The following XAF1 variants were observed in gnomAD, a reference collection of about 807,000 sequenced individuals.
XAF1 encodes XIAP-associated factor 1.
In XAF1, 32 loss-of-function variants were observed where a neutral mutation model predicts 32.3. The ratio of observed to expected loss-of-function variants is 0.99; its 90% CI spans 0.75 to 1.33. The LOEUF (loss-of-function observed/expected upper bound fraction) is 1.33, where lower values mean the gene tolerates loss of function less well. Ranked by LOEUF, XAF1 falls within the 40% of genes most tolerant of loss-of-function variation. The pLI is 0.00. For missense variants in XAF1, 379 were observed against 366.0 expected (o/e 1.04, Z -0.29); for synonymous variants, 120 against 125.9 (o/e 0.95, Z 0.31).
Position 6,775,515 on chromosome 17 carries a change from G to C in XAF1, c.*2346G>C, listed in dbSNP as rs1976360417. 1 of 152,198 alleles carries C rather than the reference G, an allele frequency of 6.6e-6. No individual in the cohort carries two copies. Among genetic ancestry groups the C allele is most frequent in the East Asian group, 1.9e-4 (1 of 5,206 alleles). 9.4% of individuals were successfully genotyped at this position (152,198 alleles called of 1,614,324 possible). Reference sequence around the variant, plus strand: ...CCAAGGACTACAAATAAACCAACGGGAAAAAAGAAAGGTTCCAGTTTTGTC... The same window carrying C: ...CCAAGGACTACAAATAAACCAACGGCAAAAAAGAAAGGTTCCAGTTTTGTC... On this transcript the variant is annotated 3_prime_UTR_variant, in exon 7 of 7. Coordinates refer to ENST00000361842, the MANE Select transcript of XAF1 (RefSeq NM_017523.5).
At chr17:6,772,953 T>C in intron 6 of XAF1, 160 bp from the exon 7 acceptor site, 1 of 598,136 alleles carries the variant, frequency 1.7e-6, no homozygotes, top group Non-Finnish European at 2.8e-6. Context: ...CCTCCTATAC[T>C]TCTGGCTCAG....
intron 2 of XAF1, 162 bp downstream of exon 2, chr17:6,758,386 G>T: frequency 9.4e-7 from 1 of 1,068,442 alleles, no homozygotes; most frequent in East Asian, 2.6e-5. Context: ...CTCTCTGCAG[G>T]AGAGATGGGG....
At chr17:6,758,306 G>C (rs1974863477) in intron 2 of XAF1, 82 bp downstream of exon 2, 1 of 1,566,890 alleles carries the variant, frequency 6.4e-7, no homozygotes, top group Non-Finnish European at 8.7e-7. Context: ...GGGTCTGAGA[G>C]TTGGGGGACG....
At position 6,759,722 on chromosome 17, in the gene XAF1, A is replaced by G. The variant is rs1193018422; in HGVS notation, c.225+4A>G. On this transcript the variant is annotated splice_donor_region_variant and intron_variant, in intron 3 of 6. Transcript: ENST00000361842. ...GTCCTCGCTGGAGTTTCATAAGGTA[A>G]GAGCCCCATGTGATTTCTCCTTTAC... The G allele has an allele frequency of 6.2e-7, 1 of 1,614,050 alleles. No homozygotes were observed. Among genetic ancestry groups the G allele is most frequent in the South Asian group, 1.1e-5 (1 of 91,080 alleles).
At chr17:6,772,612 A>G (rs911127382) in intron 6 of XAF1, among the ~76,000 whole-genome samples, 4 of 151,740 alleles carry the variant, frequency 2.6e-5, no homozygotes, top group African/African-American at 9.7e-5. Context: ...CTGGGAGTAC[A>G]GGCACCCGCC....
rs773395830 is a variant in XAF1 at position 6,770,711 on chromosome 17, A to G, written c.576A>G (p.Ser192=). The change falls in exon 6 of 7, where the codon TCA becomes TCG. Residue 192 remains serine (S), a synonymous_variant. Transcript: ENST00000361842. ...TTGGAAATCCAGAAATTCTTCCTTCATCTCTTCCAAGTCAAGCTGCTGAAA... is the reference window on the plus strand; with the variant it reads ...TTGGAAATCCAGAAATTCTTCCTTCGTCTCTTCCAAGTCAAGCTGCTGAAA... ...FPVGNPEILP[S]SLPSQAAENQ... The G allele has an allele frequency of 3.7e-6, 6 of 1,612,676 alleles. No homozygotes were observed. The highest frequency in any genetic ancestry group is 5.1e-6 in the Non-Finnish European group (6 of 1,179,712).
At chr17:6,766,184 G>A (rs909405743) in intron 5 of XAF1, among the ~76,000 whole-genome samples, 1 of 152,034 alleles carries the variant, frequency 6.6e-6, no homozygotes, top group Non-Finnish European at 1.5e-5. Context: ...ATTTAAAATT[G>A]CAACTCCCTC....
upstream of XAF1, chr17:6,755,776 G>T: frequency 8.4e-7 from 1 of 1,191,128 alleles, no homozygotes; most frequent in Non-Finnish European, 1.1e-6. Context: ...CAGCCAGGGT[G>T]AGGGAACAAG....
At chr17:6,769,365 A>G (rs1423132552) in intron 5 of XAF1, among the ~76,000 whole-genome samples, 1 of 152,176 alleles carries the variant, frequency 6.6e-6, no homozygotes, top group Non-Finnish European at 1.5e-5. Flanking sequence ...CCCACAATGT[A>G]TATATATATT....
chr17:6,767,986 T>A (rs1258888348), intron 5 of XAF1, among the ~76,000 whole-genome samples: 1 of 152,218 alleles, frequency 6.6e-6, no homozygotes, highest in Non-Finnish European at 1.5e-5. Flanking sequence ...TGTAACTATC[T>A]TACATGAAAA....
intron 5 of XAF1, 29 bp from the exon 6 acceptor site, chr17:6,770,614 A>G (rs1394308940): frequency 1.3e-6 from 2 of 1,520,706 alleles, no homozygotes; most frequent in South Asian, 2.6e-5. Flanking sequence ...AAGTCATTTT[A>G]AAATTTGATA....
At position 6,760,459 on chromosome 17, in the gene XAF1, G is replaced by T. The variant is rs760114237; in HGVS notation, c.279G>T (p.Met93Ile). ...PVECKFCKLDMQLSKLELHES... is the reference protein window; with the variant it reads ...PVECKFCKLDIQLSKLELHES... ...AGTGTAAGTTCTGCAAACTGGACAT[G>T]CAGCTCAGCAAGCTGGAGCTCCACG... Residue 93 changes from methionine to isoleucine, a missense_variant, in exon 4 of 7, where the codon ATG (methionine) becomes ATT (isoleucine). Met to Ile is a conservative substitution (Grantham distance 10). Coordinates refer to ENST00000361842, the MANE Select transcript of XAF1 (RefSeq NM_017523.5). The T allele has an allele frequency of 6.2e-7, 1 of 1,612,798 alleles. No homozygotes were observed. The highest frequency in any genetic ancestry group is 1.7e-5 in the Admixed American group (1 of 59,888).
chr17:6,756,336 A>G lies in XAF1; in HGVS notation c.32+226A>G, dbSNP rs1256562400. On this transcript the variant is annotated intron_variant, in intron 1 of 6. Transcript: ENST00000361842. ...ACTTCACTGCAGCCCCTTTCCCCCA[A>G]ATGTTAGGCTTTCTGGGACAGTTCT... is the stretch of plus-strand genomic sequence containing the variant. 5.2e-6 allele frequency: 7 copies of G among 1,340,072 alleles called. No individual in the cohort carries two copies. The East Asian group carries it at 1.7e-4, about 32-fold the overall frequency. The allele number at this position is 1,340,072 out of a possible 1,614,324, so 83.0% of individuals were successfully genotyped here.
At chr17:6,765,526 A>C (rs970230144) in intron 5 of XAF1, among the ~76,000 whole-genome samples, 1 of 152,216 alleles carries the variant, frequency 6.6e-6, no homozygotes, top group African/African-American at 2.4e-5. Flanking sequence ...CTAGATTTGT[A>C]TATTACTATT....
chr17:6,755,803 G>C, upstream of XAF1: 1 of 1,289,170 alleles, frequency 7.8e-7, no homozygotes, highest in East Asian at 3.5e-5. Context: ...TGCTGCCCAG[G>C]AGAGGCCTGG....
Position 6,759,647 on chromosome 17 carries a change from T to TGC in XAF1, c.169-14_169-13insCG, listed in dbSNP as rs768010096. The TGC allele has an allele frequency of 6.8e-6, 11 of 1,611,860 alleles. No homozygotes were observed. In the African/African-American group the frequency reaches 1.5e-4, roughly 22 times the overall value. On this transcript the variant is annotated splice_polypyrimidine_tract_variant and intron_variant, in intron 2 of 6. Coordinates refer to ENST00000361842, the MANE Select transcript of XAF1 (RefSeq NM_017523.5). ...CACATCTGGTGTGTGTGTGTGTGTG[T>TGC]GTGTGTGTGTTTAGGTTGGGTGTAC...
Position 6,775,254 on chromosome 17 carries a change from C to T in XAF1, c.*2085C>T, listed in dbSNP as rs550304198. ...TACACATGGATACAAAGAAGGGAACCGCAGACACTGGGGCCTACCTGAGGT... is the reference window on the plus strand; with the variant it reads ...TACACATGGATACAAAGAAGGGAACTGCAGACACTGGGGCCTACCTGAGGT... On this transcript the variant is annotated 3_prime_UTR_variant, in exon 7 of 7. Coordinates refer to ENST00000361842, the MANE Select transcript of XAF1 (RefSeq NM_017523.5). 1.1e-4 allele frequency: 16 copies of T among 152,064 alleles called. No homozygotes were observed. The highest frequency in any genetic ancestry group is 6.8e-3 in the Middle Eastern group (2 of 294). The allele number at this position is 152,064 out of a possible 1,614,324, so 9.4% of individuals were successfully genotyped here. A position where few individuals can be genotyped will look rare whatever the true frequency, so the allele number is the denominator to read the frequency against.
At chr17:6,762,023 G>C (rs556750003) in intron 4 of XAF1, 132 bp from the exon 5 acceptor site, 1 of 1,549,618 alleles carries the variant, frequency 6.5e-7, no homozygotes, top group Non-Finnish European at 8.7e-7. Flanking sequence ...GGCAGCGCAG[G>C]AAAGTCAAGA....
At position 6,758,160 on chromosome 17, in the gene XAF1, C is replaced by T. The variant is rs566554569; in HGVS notation, c.104C>T (p.Pro35Leu). ...AYCLRFLVLCPECEEPVPKET... is the reference protein window; with the variant it reads ...AYCLRFLVLCLECEEPVPKET... The stretch of plus-strand genomic sequence containing the variant: ...TGCCTGCGGTTCCTGGTCCTGTGTC[C>T]GGAGTGTGAGGAGCCTGTCCCCAAG... The change falls in exon 2 of 7, where the codon CCG becomes CTG. Residue 35 changes from proline to leucine, a missense_variant. By Grantham distance (98) the Pro-to-Leu change is moderately conservative. Coordinates refer to ENST00000361842, the MANE Select transcript of XAF1 (RefSeq NM_017523.5). 2.3e-5 allele frequency: 37 copies of T among 1,614,176 alleles called. No homozygotes were observed. In the Admixed American group the frequency reaches 2.5e-4, roughly 11 times the overall value.
Sources: gnomAD v4.1 joint callset for allele counts (sites outside exome capture counted in the v4.1 genomes callset) on GRCh38, gnomAD v4.1.1 for gene constraint, MANE v1.5 for transcripts, NCBI Gene and HGNC (gene_info 2026-07-23, HGNC 2026-07-21) for gene names.